Variants in USF3 observed in about 807,000 individuals in gnomAD.
USF3 encodes the protein basic helix-loop-helix domain-containing protein USF3.
USF3 carries 29 observed loss-of-function variants against 157.5 expected under a neutral mutation model. The ratio of observed to expected loss-of-function variants is 0.18; its 90% CI spans 0.14 to 0.25. The LOEUF is 0.25. Ranked by LOEUF, USF3 falls within the 10% of genes least tolerant of loss-of-function variation. USF3 has a pLI of 1.00. For missense variants in USF3, 2,381 were observed against 2,667.6 expected (o/e 0.89, Z 2.37); for synonymous variants, 893 against 941.4 (o/e 0.95, Z 0.94).
chr3:113,681,804 C>T (rs540099284), intron 1 of USF3, among the ~76,000 whole-genome samples: 37 of 151,458 alleles, frequency 2.4e-4, no homozygotes, highest in Non-Finnish European at 4.1e-4. Context: ...ACTGCAACCT[C>T]CACCTCCCAG....
rs1435752711 is a variant in USF3 at position 113,648,618 on chromosome 3, T to C, written c.*6326A>G. Reference sequence around the variant, plus strand: ...CTGTAGGACAATCCTGATCATATTATACATATCTGCTCTGGATTCCATTAC... The same window carrying C: ...CTGTAGGACAATCCTGATCATATTACACATATCTGCTCTGGATTCCATTAC... On this transcript the variant is annotated 3_prime_UTR_variant, in exon 7 of 7. Coordinates refer to ENST00000316407, the MANE Select transcript of USF3 (RefSeq NM_001009899.4). The C allele has an allele frequency of 6.6e-6, 1 of 152,630 alleles. No individual in the cohort carries two copies. The highest frequency in any genetic ancestry group is 6.5e-5 in the Admixed American group (1 of 15,284). 9.5% of individuals were successfully genotyped at this position (152,630 alleles called of 1,614,324 possible).
At position 113,660,805 on chromosome 3, in the gene USF3, A is replaced by G. The variant is rs986852999; in HGVS notation, c.877T>C (p.Leu293=). The part of the protein sequence containing the change: ...NKNGQENPKV[L]KKMTPCVTNI... ...GTAACACAAGGGGTCATTTTCTTCA[A>G]TACTTTGGGGTTCTCTTGTCCATTC... Residue 293 remains leucine (L), a synonymous_variant, in exon 7 of 7, where the codon TTG becomes CTG. Coordinates refer to ENST00000316407, the MANE Select transcript of USF3 (RefSeq NM_001009899.4). 13 of 1,614,170 alleles carry G rather than the reference A, an allele frequency of 8.1e-6. No homozygotes were observed. The highest frequency in any genetic ancestry group is 1.1e-5 in the South Asian group (1 of 91,080).
intron 1 of USF3, among the ~76,000 whole-genome samples, chr3:113,690,847 T>C (rs1332288430): frequency 2.0e-5 from 3 of 152,182 alleles, no homozygotes; most frequent in Non-Finnish European, 4.4e-5. Flanking sequence ...TTTTCTCTCA[T>C]ATATTATTAA....
chr3:113,670,058 C>A (rs1707112222), intron 5 of USF3, 63 bp downstream of exon 5: 2 of 1,113,656 alleles, frequency 1.8e-6, no homozygotes, highest in South Asian at 2.5e-5. Flanking sequence ...TTCTAAGCAC[C>A]AAAACAACTT....
intron 6 of USF3, among the ~76,000 whole-genome samples, chr3:113,663,104 G>A (rs1947511867): frequency 6.6e-6 from 1 of 150,518 alleles, no homozygotes; most frequent in Non-Finnish European, 1.5e-5. Context: ...AAAAAAAGAG[G>A]ATAGAGCAGA....
chr3:113,664,593 A>G (rs1453310645), intron 5 of USF3, among the ~76,000 whole-genome samples, 184 bp from the exon 6 acceptor site: 1 of 152,202 alleles, frequency 6.6e-6, no homozygotes, highest in Non-Finnish European at 1.5e-5. Flanking sequence ...TTGGGCAGCT[A>G]ATGAGTGGCA....
intron 1 of USF3, among the ~76,000 whole-genome samples, chr3:113,683,243 C>CTCTTA (rs201046496): frequency 7.7e-4 from 36 of 46,682 alleles, no homozygotes; most frequent in East Asian, 5.5e-3. Flanking sequence ...CTGATAAAAA[C>CTCTTA]TCTAGTTTTT....
In USF3 at chr3:113,651,856, T is replaced by C. The variant is rs1336029586; in HGVS notation, c.*3088A>G. 2 of 152,174 alleles carry C rather than the reference T, an allele frequency of 1.3e-5. No individual in the cohort carries two copies. The highest frequency in any genetic ancestry group is 2.4e-5 in the African/African-American group (1 of 41,424). 9.4% of individuals were successfully genotyped at this position (152,174 alleles called of 1,614,324 possible). A position where few individuals can be genotyped will look rare whatever the true frequency, so the allele number is the denominator to read the frequency against. On this transcript the variant is annotated 3_prime_UTR_variant, in exon 7 of 7. Coordinates refer to ENST00000316407, the MANE Select transcript of USF3 (RefSeq NM_001009899.4). ...GGTCAAATAAGGCTTATTGAGACTC[T>C]TTCAAGATCAAAATGTTAGACTGTT...
At position 113,658,308 on chromosome 3, in the gene USF3, G is replaced by T. The variant is rs746903683; in HGVS notation, c.3374C>A (p.Thr1125Asn). The T allele has an allele frequency of 6.2e-7, 1 of 1,614,146 alleles. No individual in the cohort carries two copies. Among genetic ancestry groups the T allele is most frequent in the Non-Finnish European group, 8.5e-7 (1 of 1,180,026 alleles). ...NATTNTCDSC[T>N]FVEQTDIVAL... ...TACTATATCAGTTTGCTCTACAAAG[G>T]TACAGCTGTCACATGTATTAGTTGT... Residue 1125 changes from threonine (T) to asparagine (N), a missense_variant, in exon 7 of 7, where the codon ACC becomes AAC. By Grantham distance (65) the Thr-to-Asn change is moderately conservative (BLOSUM62 0). This residue lies in a region of USF3 where 1,435 missense variants were observed against 1,550.9 expected (regional missense o/e 0.93). Coordinates refer to ENST00000316407, the MANE Select transcript of USF3 (RefSeq NM_001009899.4).
Position 113,652,849 on chromosome 3 carries a change from G to A in USF3, c.*2095C>T, listed in dbSNP as rs868038563. On this transcript the variant is annotated 3_prime_UTR_variant, in exon 7 of 7. Coordinates refer to ENST00000316407, the MANE Select transcript of USF3 (RefSeq NM_001009899.4). ...CACAGACCTGTAATCTCAGCTACTCGGGAGGCTGAGGCTCAAGAATTTGCT... is the reference window on the plus strand; with the variant it reads ...CACAGACCTGTAATCTCAGCTACTCAGGAGGCTGAGGCTCAAGAATTTGCT... 9 of 237,050 alleles carry A rather than the reference G, an allele frequency of 3.8e-5. No homozygotes were observed. Among genetic ancestry groups the A allele is most frequent in the South Asian group, 5.7e-5 (1 of 17,576 alleles). 14.7% of individuals were successfully genotyped at this position (237,050 alleles called of 1,614,324 possible). A position where few individuals can be genotyped will look rare whatever the true frequency, so the allele number is the denominator to read the frequency against.
chr3:113,649,968 A>C lies in USF3; in HGVS notation c.*4976T>G. ...TCAGCCAAAAAGGCATCTTGAGAAG[A>C]AACTAACTTCTGCCTTTAATTTGCA... On this transcript the variant is annotated 3_prime_UTR_variant, in exon 7 of 7. Transcript: ENST00000316407. 1 of 656,140 alleles carries C rather than the reference A, an allele frequency of 1.5e-6. No individual in the cohort carries two copies. Among genetic ancestry groups the C allele is most frequent in the Admixed American group, 2.5e-5 (1 of 40,292 alleles). The allele number at this position is 656,140 out of a possible 1,614,324, so 40.6% of individuals were successfully genotyped here.
rs190497192 is a variant in USF3, at chr3:113,675,036, G to C, written c.-18-140C>G. ...GAAAAGCATTGGATTAGGTGTTGCA[G>C]ATAGAAAGAAGTATAAGAAAATAGC... On this transcript the variant is annotated intron_variant, in intron 2 of 6. Coordinates refer to ENST00000316407, the MANE Select transcript of USF3 (RefSeq NM_001009899.4). 532 of 633,854 alleles carry C rather than the reference G, an allele frequency of 8.4e-4. 1 individual carries two copies. The highest frequency in any genetic ancestry group is 1.3e-3 in the Non-Finnish European group (462 of 350,908). The allele number at this position is 633,854 out of a possible 1,614,324, so 39.3% of individuals were successfully genotyped here.
intron 1 of USF3, among the ~76,000 whole-genome samples, chr3:113,689,030 CA>C (rs953206125): frequency 3.3e-5 from 4 of 122,412 alleles, no homozygotes; most frequent in Admixed American, 9.1e-5. Flanking sequence ...GACTCCATCT[CA>C]AAAAAACAAA....
Position 113,655,133 on chromosome 3 carries a change from A to C in USF3, c.6549T>G (p.Ser2183=), listed in dbSNP as rs758204026. The change falls in exon 7 of 7, where the codon TCT becomes TCG. Residue 2183 remains serine, a synonymous_variant. Transcript: ENST00000316407. ...ATGTCATATTAAAATTGGATAAGTG[A>C]GAGTTGGTCATGTGCATTGGTGGCA... ...PDMPPMHMTN[S]HLSNFNMTSL... is the part of the protein sequence containing the mutation. 4.3e-6 allele frequency: 7 copies of C among 1,614,062 alleles called. No homozygotes were observed. Among genetic ancestry groups the C allele is most frequent in the Non-Finnish European group, 5.9e-6 (7 of 1,180,026 alleles).
At position 113,660,676 on chromosome 3, in the gene USF3, C is replaced by A; in HGVS notation, c.1006G>T (p.Val336Phe). The A allele has an allele frequency of 3.1e-6, 5 of 1,614,180 alleles. 1 individual carries two copies. The Admixed American group carries it at 5.0e-5, about 16-fold the overall frequency. The change falls in exon 7 of 7, where the codon GTT (valine) becomes TTT (phenylalanine). Residue 336 changes from valine (V) to phenylalanine (F), a missense_variant. Transcript: ENST00000316407. ...DFRGDFQNTFVVSVTTTVCSQ... is the reference protein window; with the variant it reads ...DFRGDFQNTFFVSVTTTVCSQ... ...CAGACTGTGGTGGTAACTGAAACAA[C>A]AAAAGTGTTTTGAAAATCACCTCTG...
At position 113,660,924 on chromosome 3, in the gene USF3, C is replaced by G. The variant is rs2107926974; in HGVS notation, c.758G>C (p.Ser253Thr). Residue 253 changes from serine (S) to threonine (T), a missense_variant, in exon 7 of 7, where the codon AGT becomes ACT. Transcript: ENST00000316407. Reference sequence around the variant, plus strand: ...AATTGAAACAGCAATCAGTGAGCCACTAGTGGCACCAAGCACATTTGATTC... The same window carrying G: ...AATTGAAACAGCAATCAGTGAGCCAGTAGTGGCACCAAGCACATTTGATTC... ...ESESNVLGAT[S>T]GSLIAVSIES... is the part of the protein sequence containing the mutation. 3 of 1,614,198 alleles carry G rather than the reference C, an allele frequency of 1.9e-6. No homozygotes were observed. In the East Asian group the frequency reaches 6.7e-5, roughly 36 times the overall value.
intron 1 of USF3, among the ~76,000 whole-genome samples, chr3:113,686,104 C>T (rs1559724604): frequency 6.6e-6 from 1 of 152,122 alleles, no homozygotes; most frequent in Non-Finnish European, 1.5e-5. Context: ...CTTTCAAGTT[C>T]ATTTAGAACT....
intron 5 of USF3, among the ~76,000 whole-genome samples, chr3:113,669,108 C>T (rs1406036242): frequency 6.6e-6 from 1 of 152,012 alleles, no homozygotes; most frequent in Non-Finnish European, 1.5e-5. Flanking sequence ...TATAATAGTA[C>T]ACTCCTTGGC....
chr3:113,655,652 A>T lies in USF3; in HGVS notation c.6030T>A (p.Ser2010Arg). ...NQRQSTVFDP[S>R]LPHLPLSTGG... is the part of the protein sequence containing the mutation. The stretch of plus-strand genomic sequence containing the variant: ...CAGTAGAGAGAGGAAGATGGGGAAG[A>T]CTTGGATCAAAGACAGTACTTTGCC... Residue 2010 changes from serine to arginine, a missense_variant, in exon 7 of 7, where the codon AGT (serine) becomes AGA (arginine). Ser to Arg is a moderately radical substitution (Grantham distance 110). Around this residue, in one of 6 missense-constraint regions of USF3, gnomAD observed 770 missense variants for 824.2 expected, o/e 0.93. Coordinates refer to ENST00000316407, the MANE Select transcript of USF3 (RefSeq NM_001009899.4). 6.2e-7 allele frequency: 1 copy of T among 1,613,958 alleles called. No homozygotes were observed. Among genetic ancestry groups the T allele is most frequent in the South Asian group, 1.1e-5 (1 of 91,082 alleles).
Sources: gnomAD v4.1 joint callset for allele counts (sites outside exome capture counted in the v4.1 genomes callset) on GRCh38, gnomAD v4.1.1 for gene constraint, gnomAD v4.1.1 regional missense constraint, MANE v1.5 for transcripts, NCBI Gene and HGNC (gene_info 2026-07-23, HGNC 2026-07-21) for gene names.